RYR2: variants seen among roughly 807,000 people sequenced by gnomAD.
RYR2 encodes ryanodine receptor 2.
RYR2 carries 227 observed loss-of-function variants against 601.1 expected under a neutral mutation model. The observed-to-expected ratio is 0.38, with a 90% CI of 0.34 to 0.42. The LOEUF is 0.42. Among genes scored for constraint, RYR2 ranks in the 10% least tolerant of loss-of-function variants. The pLI is 1.00. For missense variants in RYR2, 4,646 were observed against 6,156.5 expected, an observed-to-expected ratio of 0.75 and a Z score of 8.21; for synonymous variants, 2,223 against 2,175.1, an observed-to-expected ratio of 1.02 and a Z score of -0.61.
At chr1:237,831,285 T>C (rs1663758304) in intron 103 of RYR2, among the ~76,000 whole-genome samples, 1 of 152,200 alleles carries the variant, frequency 6.6e-6, no homozygotes, top group Non-Finnish European at 1.5e-5. Flanking sequence ...TTCTGACCAG[T>C]GTGTATATTC....
chr1:237,226,248 C>T (rs928499274), intron 1 of RYR2, among the ~76,000 whole-genome samples: 5 of 152,058 alleles, frequency 3.3e-5, no homozygotes, highest in East Asian at 3.9e-4. Context: ...TGAGTTCATG[C>T]GAAATTGCTG....
intron 1 of RYR2, among the ~76,000 whole-genome samples, chr1:237,103,442 G>A (rs994643055): frequency 1.3e-5 from 2 of 152,184 alleles, no homozygotes; most frequent in Non-Finnish European, 2.9e-5. Flanking sequence ...AAGAACAGGG[G>A]ACAGGTTAGG....
chr1:237,562,836 C>T (rs531029411), intron 27 of RYR2, among the ~76,000 whole-genome samples: 1 of 152,148 alleles, frequency 6.6e-6, no homozygotes, highest in Non-Finnish European at 1.5e-5. Context: ...AGGATGCTAC[C>T]CATTAGCTAT....
intron 41 of RYR2, among the ~76,000 whole-genome samples, chr1:237,629,938 T>C (rs1004448726): frequency 6.6e-6 from 1 of 152,076 alleles, no homozygotes; most frequent in African/African-American, 2.4e-5. Flanking sequence ...AAAAAGCCAA[T>C]TGAGAAAAGC....
chr1:237,074,203 G>GT (rs1293769489), intron 1 of RYR2, among the ~76,000 whole-genome samples: 2 of 152,064 alleles, frequency 1.3e-5, no homozygotes, highest in Non-Finnish European at 2.9e-5. Flanking sequence ...CTGTATCCCA[G>GT]CTACTTGGGA....
chr1:237,610,812 C>A lies in RYR2; in HGVS notation c.4734C>A (p.Pro1578=), dbSNP rs201880756. ...TATTCAAGAGTGAGCACAAGAACCCCGTGCCGCAGTGCCCCCCGCGCCTCC... is the reference window on the plus strand; with the variant it reads ...TATTCAAGAGTGAGCACAAGAACCCAGTGCCGCAGTGCCCCCCGCGCCTCC... ...AGLFKSEHKN[P]VPQCPPRLHV... is the part of the protein sequence containing the mutation. The change falls in exon 36 of 105, where the codon CCC becomes CCA. Residue 1578 remains proline, a synonymous_variant. Coordinates refer to ENST00000366574, the MANE Select transcript of RYR2 (RefSeq NM_001035.3). The surrounding 1 kb of genome is among the most constrained non-coding windows in gnomAD (Gnocchi z 4.9). The A allele has an allele frequency of 9.3e-6, 15 of 1,611,408 alleles. No individual in the cohort carries two copies. Among genetic ancestry groups the A allele is most frequent in the Non-Finnish European group, 1.3e-5 (15 of 1,179,080 alleles).
In RYR2 at chr1:237,565,183, CTTTCTTT is replaced by C. The variant is rs1559035902; in HGVS notation, c.3215-1383_3215-1377del. 9.3e-5 allele frequency among the ~76,000 whole-genome samples: 6 copies of C among 64,328 alleles called. 1 individual carries two copies. Among genetic ancestry groups the C allele is most frequent in the East Asian group, 1.9e-3 (2 of 1,062 alleles). 42.2% of individuals were successfully genotyped at this position (64,328 alleles called of 152,430 possible). A position where few individuals can be genotyped will look rare whatever the true frequency, so the allele number is the denominator to read the frequency against. ...TCTTTCTTTCTTTCTTTCTTTCTTT[CTTTCTTT>C]CTTTCTTTCTTTCTTTCTTTCTTTC... On this transcript the variant is annotated intron_variant, in intron 27 of 104. Transcript: ENST00000366574.
chr1:237,078,793 C>T (rs1665292689), intron 1 of RYR2, among the ~76,000 whole-genome samples: 1 of 127,790 alleles, frequency 7.8e-6, no homozygotes, highest in South Asian at 2.7e-4. Flanking sequence ...CAGCATCATT[C>T]TGATACCAAA....
At chr1:237,764,402 A>AT (rs59485547) in intron 84 of RYR2, among the ~76,000 whole-genome samples, 1,236 of 69,932 alleles carry the variant, frequency 0.018, 51 homozygotes, top group East Asian at 0.022. Flanking sequence ...CTTAGGTAGC[A>AT]TTTTTTTTTT....
intron 12 of RYR2, among the ~76,000 whole-genome samples, chr1:237,436,230 A>T (rs1169826685): frequency 2.0e-5 from 3 of 151,798 alleles, no homozygotes; most frequent in African/African-American, 7.3e-5. Flanking sequence ...CAGGAGTGAT[A>T]TCCTGTTCTA....
intron 29 of RYR2, among the ~76,000 whole-genome samples, chr1:237,580,570 T>C (rs1391869413): frequency 1.3e-5 from 2 of 152,134 alleles, no homozygotes; most frequent in Non-Finnish European, 2.9e-5. Flanking sequence ...TCCGGGTTCC[T>C]TGGGGCTCCA....
At chr1:237,728,730 A>G (rs932306125) in intron 76 of RYR2, among the ~76,000 whole-genome samples, 1 of 151,616 alleles carries the variant, frequency 6.6e-6, no homozygotes, top group Non-Finnish European at 1.5e-5. Context: ...TGGGAGTCGA[A>G]CAATGAGAAC....
intron 1 of RYR2, among the ~76,000 whole-genome samples, chr1:237,261,943 T>TAAA (rs1688568133): frequency 1.3e-5 from 2 of 152,208 alleles, no homozygotes; most frequent in Admixed American, 6.5e-5. Flanking sequence ...AAATTTGTCC[T>TAAA]CTTCTCTTGC....
At chr1:237,774,315 C>T (rs1694490974) in intron 87 of RYR2, among the ~76,000 whole-genome samples, 1 of 152,050 alleles carries the variant, frequency 6.6e-6, no homozygotes, top group Admixed American at 6.6e-5. Flanking sequence ...GAGGGAGAAA[C>T]TTATAATTGG....
chr1:237,244,784 A>G (rs2149248355), intron 1 of RYR2, among the ~76,000 whole-genome samples: 1 of 143,058 alleles, frequency 7.0e-6, no homozygotes, highest in East Asian at 2.1e-4. Context: ...GCGCGAGACA[A>G]TGAGCCCCGG....
chr1:237,490,880 G>C (rs1316310673), intron 17 of RYR2, among the ~76,000 whole-genome samples: 1 of 152,104 alleles, frequency 6.6e-6, no homozygotes, highest in East Asian at 1.9e-4. Context: ...AACTCCATTT[G>C]AGATGTATGA....
chr1:237,609,706 T>C (rs866586925), intron 35 of RYR2, among the ~76,000 whole-genome samples: 1 of 152,116 alleles, frequency 6.6e-6, no homozygotes, highest in African/African-American at 2.4e-5. Context: ...ATGCCCATTC[T>C]GACAACCCCA....
At chr1:237,082,562 C>T (rs1484695848) in intron 1 of RYR2, among the ~76,000 whole-genome samples, 5 of 39,316 alleles carry the variant, frequency 1.3e-4, no homozygotes, top group Non-Finnish European at 4.6e-4. Context: ...TATATAAAAT[C>T]GGATATAAAA....
intron 92 of RYR2, among the ~76,000 whole-genome samples, chr1:237,788,958 T>C (rs1038752230): frequency 4.0e-5 from 6 of 151,812 alleles, no homozygotes; most frequent in Non-Finnish European, 8.8e-5. Context: ...ATCCTTTTCC[T>C]CCTTTATAAA....
Sources: allele counts gnomAD v4.1 joint callset (sites outside exome capture counted in the v4.1 genomes callset), GRCh38; gene constraint gnomAD v4.1.1; non-coding constraint Gnocchi (gnomAD v3.1); transcripts MANE v1.5; gene names NCBI Gene and HGNC (gene_info 2026-07-23, HGNC 2026-07-21).